GGT5: variants seen among roughly 807,000 people sequenced by gnomAD.
GGT5 encodes gamma-glutamyltransferase 5.
GGT5 carries 50 observed loss-of-function variants against 58.1 expected under a neutral mutation model. That is an observed-to-expected ratio of 0.86 (90% confidence interval 0.69 to 1.09). The LOEUF (loss-of-function observed/expected upper bound fraction) is 1.09, where lower values mean the gene tolerates loss of function less well. GGT5 is among the 50% of genes least tolerant of loss of function. The pLI is 0.00. For missense variants in GGT5, 800 were observed against 789.4 expected (o/e 1.01, Z -0.16); for synonymous variants, 370 against 346.1 (o/e 1.07, Z -0.77).
In GGT5 at chr22:24,221,096, C is replaced by T. The variant is rs552756899; in HGVS notation, c.1615-980G>A. Among the ~76,000 whole-genome samples the T allele has an allele frequency of 2.5e-4, 38 of 152,214 alleles. 1 individual carries two copies. In the South Asian group the frequency reaches 6.0e-3, roughly 24 times the overall value. On this transcript the variant is annotated intron_variant, in intron 11 of 11. Transcript: ENST00000327365. ...GACAGGGAAAGAGATCTAACTTAATCGACTCCATCTTGCTTCTAACCTCCC... is the reference window on the plus strand; with the variant it reads ...GACAGGGAAAGAGATCTAACTTAATTGACTCCATCTTGCTTCTAACCTCCC...
Position 24,233,610 on chromosome 22 carries a change from C to A in GGT5, c.305-17G>T. Reference sequence around the variant, plus strand: ...CCACCTTCCCTGGAGTAGGGCAGGGCAGGTGAGTGGTCATGGACCCTGCAG... The same window carrying A: ...CCACCTTCCCTGGAGTAGGGCAGGGAAGGTGAGTGGTCATGGACCCTGCAG... On this transcript the variant is annotated splice_polypyrimidine_tract_variant and intron_variant, in intron 2 of 11. Transcript: ENST00000327365. The A allele has an allele frequency of 1.3e-6, 2 of 1,515,660 alleles. No homozygotes were observed. The highest frequency in any genetic ancestry group is 9.1e-7 in the Non-Finnish European group (1 of 1,102,494). The allele number at this position is 1,515,660 out of a possible 1,614,324, so 93.9% of individuals were successfully genotyped here. A position where few individuals can be genotyped will look rare whatever the true frequency, so the allele number is the denominator to read the frequency against.
At chr22:24,234,082 T>A in intron 1 of GGT5, 78 bp from the exon 2 acceptor site, 1 of 1,432,158 alleles carries the variant, frequency 7.0e-7, no homozygotes, top group East Asian at 2.5e-5. Context: ...CTGGCACTCA[T>A]TGGAGAATGG....
Position 24,228,048 on chromosome 22 carries a change from C to CAAAAAA in GGT5, c.902-1287_902-1282dup, listed in dbSNP as rs1273239063. ...TAGTAAACAGAGCAAGACTCTGTCT[C>CAAAAAA]AAAAAAAAAAAAAAAAAACAAAACA... On this transcript the variant is annotated intron_variant, in intron 6 of 11. Transcript: ENST00000327365. 1.5e-3 allele frequency among the ~76,000 whole-genome samples: 33 copies of CAAAAAA among 22,008 alleles called. 3 individuals carry two copies. Among genetic ancestry groups the CAAAAAA allele is most frequent in the African/African-American group, 3.3e-3 (22 of 6,582 alleles). The allele number at this position is 22,008 out of a possible 152,430, so 14.4% of individuals were successfully genotyped here.
intron 2 of GGT5, 74 bp downstream of exon 2, chr22:24,233,800 A>G (rs968673438): frequency 7.0e-7 from 1 of 1,424,802 alleles, no homozygotes; most frequent in Non-Finnish European, 9.8e-7. Context: ...AGTTGATGGG[A>G]CTGGCTGGAG....
chr22:24,232,588 A>G lies in GGT5; in HGVS notation c.596+235T>C. On this transcript the variant is annotated intron_variant, in intron 4 of 11. Coordinates refer to ENST00000327365, the MANE Select transcript of GGT5 (RefSeq NM_004121.5). ...GCCCCAGGGCGGGTGGCAGAGCCCA[A>G]ATCCACACCTTGGAGTCCTATCACT... Among the ~76,000 whole-genome samples the G allele has an allele frequency of 1.3e-5, 2 of 151,978 alleles. 1 individual carries two copies. The highest frequency in any genetic ancestry group is 6.4e-3 in the Middle Eastern group (2 of 314).
chr22:24,225,968 A>T (rs1035692502), intron 8 of GGT5, 108 bp downstream of exon 8: 46 of 788,212 alleles, frequency 5.8e-5, no homozygotes, highest in Admixed American at 1.8e-4. Context: ...AAAAGGGCAA[A>T]AGCAAGGTGC....
Position 24,226,316 on chromosome 22 carries a change from C to A in GGT5, c.1039-50G>T, listed in dbSNP as rs199821019. 4.9e-6 allele frequency: 7 copies of A among 1,442,540 alleles called. No individual in the cohort carries two copies. The African/African-American group carries it at 8.3e-5, about 17-fold the overall frequency. 89.4% of individuals were successfully genotyped at this position (1,442,540 alleles called of 1,614,324 possible). On this transcript the variant is annotated intron_variant, in intron 7 of 11. Coordinates refer to ENST00000327365, the MANE Select transcript of GGT5 (RefSeq NM_004121.5). ...GGTCAGTGAGGGGCCAGGCAGAATCCGCAGAACCAAGGGCAGGATGAGATC... is the reference window on the plus strand; with the variant it reads ...GGTCAGTGAGGGGCCAGGCAGAATCAGCAGAACCAAGGGCAGGATGAGATC...
chr22:24,223,213 C>T (rs879261024), intron 11 of GGT5, among the ~76,000 whole-genome samples: 25 of 152,126 alleles, frequency 1.6e-4, no homozygotes, highest in Admixed American at 1.6e-3. Flanking sequence ...ACCAGCCTGG[C>T]CAACATGGGG....
At position 24,223,357 on chromosome 22, in the gene GGT5, T is replaced by C. The variant is rs538723703; in HGVS notation, c.1614+1639A>G. Among the ~76,000 whole-genome samples, 6 of 152,096 alleles carry C rather than the reference T, an allele frequency of 3.9e-5. No homozygotes were observed. The South Asian group carries it at 8.3e-4, about 21-fold the overall frequency. On this transcript the variant is annotated intron_variant, in intron 11 of 11. Transcript: ENST00000327365. ...CGGAGGTTGTGGTGAGGCAAGATCA[T>C]GCCACTGCACTCCAGCCTGAGTGAC...
rs2048284040 is a variant in GGT5 at position 24,239,936 on chromosome 22, A to T, written c.173+4617T>A. ...GTCTCTACTAAAAAAGAATACAAAA[A>T]TTAGCCGGGCATAGTGGTGCACACC... On this transcript the variant is annotated intron_variant, in intron 1 of 11. Transcript: ENST00000327365. 2.0e-5 allele frequency among the ~76,000 whole-genome samples: 3 copies of T among 151,986 alleles called. No homozygotes were observed. In the South Asian group the frequency reaches 6.2e-4, roughly 32 times the overall value.
Position 24,238,773 on chromosome 22 carries a change from ATATATAATATATATTATATATTT to A in GGT5, c.174-4792_174-4770del, listed in dbSNP as rs1449131988. On this transcript the variant is annotated intron_variant, in intron 1 of 11. Coordinates refer to ENST00000327365, the MANE Select transcript of GGT5 (RefSeq NM_004121.5). ...GTATATATATGGAATATATATATAT[ATATATAATATATATTATATATTT>A]ATATATATATAATATATTATATATA... Among the ~76,000 whole-genome samples, 419 of 29,804 alleles carry A rather than the reference ATATATAATATATATTATATATTT, an allele frequency of 0.014. 104 individuals carry two copies. In the Admixed American group the frequency reaches 0.21, roughly 15 times the overall value. 19.6% of individuals were successfully genotyped at this position (29,804 alleles called of 152,430 possible).
chr22:24,237,512 A>C (rs1264613837), intron 1 of GGT5, among the ~76,000 whole-genome samples: 1 of 151,988 alleles, frequency 6.6e-6, no homozygotes, highest in Non-Finnish European at 1.5e-5. Context: ...GGGTTCAAGC[A>C]ATTCTCCTGT....
rs1222083980 is a variant in GGT5, at chr22:24,244,794, A to G, written c.-69T>C. 11 of 1,513,166 alleles carry G rather than the reference A, an allele frequency of 7.3e-6. No individual in the cohort carries two copies. The highest frequency in any genetic ancestry group is 2.3e-4 in the Middle Eastern group (1 of 4,280). The allele number at this position is 1,513,166 out of a possible 1,614,324, so 93.7% of individuals were successfully genotyped here. Reference sequence around the variant, plus strand: ...GAGGGACGGATGGGTGGGCAGATGAATGGACAAGAAGATGCACAGAGTCAC... The same window carrying G: ...GAGGGACGGATGGGTGGGCAGATGAGTGGACAAGAAGATGCACAGAGTCAC... On this transcript the variant is annotated 5_prime_UTR_variant, in exon 1 of 12. Coordinates refer to ENST00000327365, the MANE Select transcript of GGT5 (RefSeq NM_004121.5).
At chr22:24,240,837 A>C (rs1384665824) in intron 1 of GGT5, among the ~76,000 whole-genome samples, 1 of 152,134 alleles carries the variant, frequency 6.6e-6, no homozygotes, top group Non-Finnish European at 1.5e-5. Flanking sequence ...GTATTATTAG[A>C]GATAAGAGAC....
Position 24,225,632 on chromosome 22 carries a change from G to A in GGT5, c.1250C>T (p.Ser417Leu). 3 of 1,611,142 alleles carry A rather than the reference G, an allele frequency of 1.9e-6. No individual in the cohort carries two copies. The highest frequency in any genetic ancestry group is 2.5e-6 in the Non-Finnish European group (3 of 1,177,400). Residue 417 changes from serine (S) to leucine (L), a missense_variant, in exon 9 of 12, where the codon TCA becomes TTA. Coordinates refer to ENST00000327365, the MANE Select transcript of GGT5 (RefSeq NM_004121.5). ...INTPFGAMVY[S>L]PRTGIILNNE... ...GTTGAGGATGATGCCTGTCCGTGGT[G>A]AATACACCATCGCTCCAAAGCTGCA...
At chr22:24,237,861 CT>C (rs1308955784) in intron 1 of GGT5, among the ~76,000 whole-genome samples, 1 of 152,032 alleles carries the variant, frequency 6.6e-6, no homozygotes, top group African/African-American at 2.4e-5. Context: ...AGACCATGTA[CT>C]TTAAAATAAG....
In GGT5 at chr22:24,226,210, G is replaced by A. The variant is rs144798635; in HGVS notation, c.1095C>T (p.Ile365=). ...TGAGCTGGTGGTCCCCCCGGCCATCGATCTGTTGGCGGATGAGCTGGGCCA... is the reference window on the plus strand; with the variant it reads ...TGAGCTGGTGGTCCCCCCGGCCATCAATCTGTTGGCGGATGAGCTGGGCCA... ...ETLAQLIRQQ[I]DGRGDHQLSH... The change falls in exon 8 of 12, where the codon ATC becomes ATT. Residue 365 remains isoleucine, a synonymous_variant. Coordinates refer to ENST00000327365, the MANE Select transcript of GGT5 (RefSeq NM_004121.5). The A allele has an allele frequency of 3.1e-6, 5 of 1,609,542 alleles. No homozygotes were observed. The highest frequency in any genetic ancestry group is 2.2e-5 in the East Asian group (1 of 44,858).
Position 24,233,968 on chromosome 22 carries a change from G to T in GGT5, c.210C>A (p.Ala70=). 1 of 1,613,274 alleles carries T rather than the reference G, an allele frequency of 6.2e-7. No individual in the cohort carries two copies. Among genetic ancestry groups the T allele is most frequent in the South Asian group, 1.1e-5 (1 of 91,012 alleles). The change falls in exon 2 of 12, where the codon GCC becomes GCA. Residue 70 remains alanine (A), a synonymous_variant. Coordinates refer to ENST00000327365, the MANE Select transcript of GGT5 (RefSeq NM_004121.5). Reference sequence around the variant, plus strand: ...TGGTGCAGACCAGAGCCGCGATGGTGGCATCCACGGGTGAGCCCTGCTGCT... The same window carrying T: ...TGGTGCAGACCAGAGCCGCGATGGTTGCATCCACGGGTGAGCCCTGCTGCT... ...ILQQQGSPVD[A]TIAALVCTSV...
In GGT5 at chr22:24,238,826, TATATATTTA is replaced by T. The variant is rs1450522253; in HGVS notation, c.174-4831_174-4823del. ...ATATATAATATATTATATATATATA[TATATATTTA>T]TATATATATATTATATATATTATAT... On this transcript the variant is annotated intron_variant, in intron 1 of 11. Transcript: ENST00000327365. Among the ~76,000 whole-genome samples the T allele has an allele frequency of 9.3e-4, 11 of 11,886 alleles. 1 individual carries two copies. Among genetic ancestry groups the T allele is most frequent in the African/African-American group, 5.0e-3 (8 of 1,616 alleles). The allele number at this position is 11,886 out of a possible 152,430, so 7.8% of individuals were successfully genotyped here.
Sources: allele counts gnomAD v4.1 joint callset (sites outside exome capture counted in the v4.1 genomes callset), GRCh38; gene constraint gnomAD v4.1.1; transcripts MANE v1.5; gene names NCBI Gene and HGNC (gene_info 2026-07-23, HGNC 2026-07-21).